PC: variants seen among roughly 807,000 people sequenced by gnomAD.
PC encodes the protein pyruvate carboxylase, mitochondrial.
A neutral mutation model predicts 107.8 loss-of-function variants in PC; 46 were observed. The observed-to-expected ratio is 0.43, with a 90% CI of 0.34 to 0.55. PC has a LOEUF of 0.55. Among genes scored for constraint, PC ranks in the 20% least tolerant of loss-of-function variants. PC has a pLI of 0.04. For synonymous variants in PC, 662 were observed against 684.7 expected (o/e 0.97, Z 0.52); for missense variants, 1,241 against 1,643.1 (o/e 0.76, Z 4.23).
intron 3 of PC, among the ~76,000 whole-genome samples, chr11:66,935,756 A>G (rs927294305): frequency 1.3e-5 from 2 of 152,182 alleles, no homozygotes; most frequent in African/African-American, 4.8e-5. Flanking sequence ...ATAAGCAGCA[A>G]AACCACAACC....
At chr11:66,860,531 G>C (rs961113024) in intron 12 of PC, 1 of 702,088 alleles carries the variant, frequency 1.4e-6, no homozygotes, top group Non-Finnish European at 2.6e-6. Flanking sequence ...GACAGGACAC[G>C]GGCCGCTGGT....
At position 66,853,242 on chromosome 11, in the gene PC, G is replaced by T; in HGVS notation, c.1510C>A (p.Leu504Ile). The T allele has an allele frequency of 2.5e-6, 4 of 1,613,994 alleles. No homozygotes were observed. Among genetic ancestry groups the T allele is most frequent in the Non-Finnish European group, 3.4e-6 (4 of 1,179,976 alleles). Residue 504 changes from leucine to isoleucine, a missense_variant, in exon 13 of 23, where the codon CTC (leucine) becomes ATC (isoleucine). Transcript: ENST00000393960. ...QNRAQKLLHY[L>I]GHVMVNGPTT... The stretch of plus-strand genomic sequence containing the variant: ...GCAGGGCAGTCTCGGGCCAGACCGA[G>T]GTAGTGCAACAGCTTTTGGGCCCGG...
intron 12 of PC, among the ~76,000 whole-genome samples, chr11:66,862,011 A>C (rs744465): frequency 0.065 from 9,828 of 152,196 alleles, 388 homozygotes; most frequent in East Asian, 0.11. Flanking sequence ...AACCGGGCAC[A>C]ACCCCAGGAG....
In PC at chr11:66,859,386, C is replaced by T. The variant is rs903859132; in HGVS notation, c.1368+4388G>A. On this transcript the variant is annotated intron_variant, in intron 12 of 22. Coordinates refer to ENST00000393960, the MANE Select transcript of PC (RefSeq NM_001040716.2). ...GGGTCTGTCTGAAGCACATGGCCCG[C>T]GCCCGCGTGTTATTTCTGCCTCTGC... is the stretch of plus-strand genomic sequence containing the variant. 4.6e-5 allele frequency among the ~76,000 whole-genome samples: 7 copies of T among 152,278 alleles called. No individual in the cohort carries two copies. In the South Asian group the frequency reaches 8.3e-4, roughly 18 times the overall value.
chr11:66,870,586 A>C lies in PC; in HGVS notation c.752-133T>G. The C allele has an allele frequency of 8.6e-7, 1 of 1,157,238 alleles. No homozygotes were observed. Among genetic ancestry groups the C allele is most frequent in the African/African-American group, 1.5e-5 (1 of 66,054 alleles). 71.7% of individuals were successfully genotyped at this position (1,157,238 alleles called of 1,614,324 possible). Reference sequence around the variant, plus strand: ...CGGTACAGAGGCTGCCAGGAGAGACACCAGCATCACCAAGGCTGTGAGGAC... The same window carrying C: ...CGGTACAGAGGCTGCCAGGAGAGACCCCAGCATCACCAAGGCTGTGAGGAC... On this transcript the variant is annotated intron_variant, in intron 8 of 22. Transcript: ENST00000393960. The surrounding 1 kb of genome is among the most constrained non-coding windows in gnomAD (Gnocchi z 6.1).
At chr11:66,887,020 T>C (rs1947394070) in intron 3 of PC, among the ~76,000 whole-genome samples, 1 of 152,018 alleles carries the variant, frequency 6.6e-6, no homozygotes, top group African/African-American at 2.4e-5. Flanking sequence ...GCCCAGGAGG[T>C]GAGGCATCAC....
chr11:66,898,636 C>T (rs1048729083), intron 3 of PC, among the ~76,000 whole-genome samples: 6 of 152,120 alleles, frequency 3.9e-5, no homozygotes, highest in Admixed American at 3.3e-4. Context: ...GCCGAGATTG[C>T]GCCACTGCAT....
intron 3 of PC, among the ~76,000 whole-genome samples, chr11:66,889,253 C>A (rs1022158927): frequency 1.3e-4 from 19 of 151,698 alleles, no homozygotes; most frequent in African/African-American, 4.1e-4. Flanking sequence ...AGAGCAATGC[C>A]GTGGGGAACA....
chr11:66,901,450 G>C (rs1947953068), intron 3 of PC, among the ~76,000 whole-genome samples: 2 of 152,054 alleles, frequency 1.3e-5, no homozygotes, highest in Non-Finnish European at 2.9e-5. Context: ...AGCCCTCACT[G>C]GTGTTTGCAG....
intron 3 of PC, among the ~76,000 whole-genome samples, chr11:66,944,077 C>T (rs1949228722): frequency 8.6e-6 from 1 of 116,260 alleles, no homozygotes; most frequent in African/African-American, 3.1e-5. Context: ...GTCAGGAGAT[C>T]GAGACCATCC....
intron 3 of PC, among the ~76,000 whole-genome samples, chr11:66,914,871 G>A (rs1565284248): frequency 6.6e-6 from 1 of 151,076 alleles, no homozygotes; most frequent in East Asian, 2.0e-4. Flanking sequence ...TCCACGTCTA[G>A]AAAAAAAAAT....
chr11:66,898,135 A>G (rs1270054793), intron 3 of PC, among the ~76,000 whole-genome samples: 1 of 152,214 alleles, frequency 6.6e-6, no homozygotes, highest in Admixed American at 6.5e-5. Flanking sequence ...AACTGGAATT[A>G]AGATTTTCTT....
At chr11:66,874,998 G>C (rs1229254811) in intron 3 of PC, among the ~76,000 whole-genome samples, 8 of 152,180 alleles carry the variant, frequency 5.3e-5, no homozygotes, top group African/African-American at 2.4e-5. Flanking sequence ...GGAAGAACAG[G>C]CTTGGTGCTG....
At chr11:66,939,804 C>CAAAAAAAAAAAAAAAAAAAAAACAAAA (rs1949081756) in intron 3 of PC, among the ~76,000 whole-genome samples, 2 of 40,164 alleles carry the variant, frequency 5.0e-5, no homozygotes, top group African/African-American at 1.1e-4. Flanking sequence ...AACTCCGTCT[C>CAAAAAAAAAAAAAAAAAAAAAACAAAA]AAAAAAAAAA....
chr11:66,865,095 G>A (rs189732254), intron 11 of PC, among the ~76,000 whole-genome samples: 11 of 152,332 alleles, frequency 7.2e-5, no homozygotes, highest in African/African-American at 2.2e-4. Context: ...AGGGGCCGCC[G>A]GGCAGCACTC....
chr11:66,924,623 T>C (rs906951187), intron 3 of PC, among the ~76,000 whole-genome samples: 2 of 152,114 alleles, frequency 1.3e-5, no homozygotes, highest in Admixed American at 6.6e-5. Flanking sequence ...GCTAATTTCT[T>C]ATAGATACAA....
In PC at chr11:66,857,615, C is replaced by G. The variant is rs1440268067; in HGVS notation, c.1369-4232G>C. On this transcript the variant is annotated intron_variant, in intron 12 of 22. Coordinates refer to ENST00000393960, the MANE Select transcript of PC (RefSeq NM_001040716.2). This position sits in a 1 kb window ranked among gnomAD's most constrained non-coding sequence, Gnocchi z 7.1. ...CCTCATCTCTGGCGGCCCTCTTGGG[C>G]CTCTGACCCAGCCCCTCCCCGGGCC... is the stretch of plus-strand genomic sequence containing the variant. 1.9e-6 allele frequency: 2 copies of G among 1,053,824 alleles called. No individual in the cohort carries two copies. The highest frequency in any genetic ancestry group is 2.7e-6 in the Non-Finnish European group (2 of 751,926). 65.3% of individuals were successfully genotyped at this position (1,053,824 alleles called of 1,614,324 possible).
chr11:66,884,276 G>C (rs1947284081), intron 3 of PC, among the ~76,000 whole-genome samples: 1 of 151,770 alleles, frequency 6.6e-6, no homozygotes, highest in Non-Finnish European at 1.5e-5. Context: ...GCTGGGCATG[G>C]TGGTGCCCAT....
At chr11:66,935,021 G>T (rs746946143) in intron 3 of PC, among the ~76,000 whole-genome samples, 11 of 152,204 alleles carry the variant, frequency 7.2e-5, no homozygotes, top group Non-Finnish European at 1.3e-4. Flanking sequence ...TGTCCAGCAC[G>T]TGCATTCCCT....
Sources: gnomAD v4.1 joint callset for allele counts (sites outside exome capture counted in the v4.1 genomes callset) on GRCh38, gnomAD v4.1.1 for gene constraint, Gnocchi (gnomAD v3.1) non-coding constraint, MANE v1.5 for transcripts, NCBI Gene and HGNC (gene_info 2026-07-23, HGNC 2026-07-21) for gene names.